The following DLST variants were observed in gnomAD, a reference collection of about 807,000 sequenced individuals.
The protein encoded by DLST is dihydrolipoamide S-succinyltransferase.
A neutral mutation model predicts 53.1 loss-of-function variants in DLST; 17 were observed. That is an observed-to-expected ratio of 0.32 (90% confidence interval 0.22 to 0.48). The LOEUF is 0.48. Ranked by LOEUF, DLST falls within the 20% of genes least tolerant of loss-of-function variation. The pLI is 0.99. For missense variants in DLST, 512 were observed against 583.9 expected (o/e 0.88, Z 1.27); for synonymous variants, 206 against 204.8 (o/e 1.01, Z -0.05).
intron 9 of DLST, among the ~76,000 whole-genome samples, chr14:74,893,719 C>G (rs979430470): frequency 6.6e-6 from 1 of 152,176 alleles, no homozygotes; most frequent in Non-Finnish European, 1.5e-5. Context: ...CACCCCCGTC[C>G]TCCCACGATG....
Position 74,885,650 on chromosome 14 carries a change from G to A in DLST, c.146+16G>A, listed in dbSNP as rs1292652434. 1 of 1,608,422 alleles carries A rather than the reference G, an allele frequency of 6.2e-7. No homozygotes were observed. The highest frequency in any genetic ancestry group is 1.3e-5 in the African/African-American group (1 of 74,662). The stretch of plus-strand genomic sequence containing the variant: ...GGAAGGTTGTGTAAGTATCACTGGG[G>A]AGTACAGATATGTGGCCACGGGTTA... On this transcript the variant is annotated intron_variant, in intron 3 of 14. Coordinates refer to ENST00000334220, the MANE Select transcript of DLST (RefSeq NM_001933.5).
At chr14:74,884,518 C>T (rs954004141) in intron 2 of DLST, among the ~76,000 whole-genome samples, 10 of 152,112 alleles carry the variant, frequency 6.6e-5, no homozygotes, top group Admixed American at 5.2e-4. Flanking sequence ...GGCAGATGGT[C>T]GTTCCACTTC....
Position 74,889,078 on chromosome 14 carries a change from G to C in DLST, c.147-17G>C, listed in dbSNP as rs201278080. 7 of 1,613,682 alleles carry C rather than the reference G, an allele frequency of 4.3e-6. No homozygotes were observed. Among genetic ancestry groups the C allele is most frequent in the Non-Finnish European group, 5.9e-6 (7 of 1,179,962 alleles). On this transcript the variant is annotated splice_polypyrimidine_tract_variant and intron_variant, in intron 3 of 14. Coordinates refer to ENST00000334220, the MANE Select transcript of DLST (RefSeq NM_001933.5). ...GGTTCGCCTGTTAAAAGGAGTTAAC[G>C]TGTGTTTCTTTTGTAGCATTAACAA...
At position 74,889,365 on chromosome 14, in the gene DLST, CTATTT is replaced by C; in HGVS notation, c.274+18_274+22del. 2.1e-6 allele frequency: 3 copies of C among 1,425,972 alleles called. No individual in the cohort carries two copies. The highest frequency in any genetic ancestry group is 2.8e-6 in the Non-Finnish European group (3 of 1,056,936). 88.3% of individuals were successfully genotyped at this position (1,425,972 alleles called of 1,614,324 possible). ...TGGGAGAAAGGTAAGATTTAGTTTC[CTATTT>C]TTTTTTTTTTTTTTTTTGAGACAGA... On this transcript the variant is annotated intron_variant, in intron 5 of 14. Transcript: ENST00000334220.
At chr14:74,897,106 T>G (rs1884097696) in intron 10 of DLST, among the ~76,000 whole-genome samples, 1 of 152,214 alleles carries the variant, frequency 6.6e-6, no homozygotes, top group Non-Finnish European at 1.5e-5. Context: ...GCAGAGATGT[T>G]TATCACATCT....
chr14:74,896,838 T>C (rs1884089874), intron 10 of DLST, among the ~76,000 whole-genome samples: 1 of 152,240 alleles, frequency 6.6e-6, no homozygotes, highest in Non-Finnish European at 1.5e-5. Flanking sequence ...ACAGCTTTGA[T>C]TGGAAAGGAA....
At chr14:74,898,301 A>T (rs895094333) in intron 10 of DLST, 68 bp from the exon 11 acceptor site, 37 of 1,573,548 alleles carry the variant, frequency 2.4e-5, no homozygotes, top group Non-Finnish European at 3.0e-5. Flanking sequence ...GTGTATATGG[A>T]TTGAGAAACC....
rs925923633 is a variant in DLST, at chr14:74,901,171, C to T, written c.1165C>T (p.Pro389Ser). Residue 389 changes from proline (P) to serine (S), a missense_variant, in exon 14 of 15, where the codon CCT (proline) becomes TCT (serine). Pro to Ser is a moderately conservative substitution (Grantham distance 74). Around this residue, in one of 4 missense-constraint regions of DLST, gnomAD observed 186 missense variants for 260.4 expected, o/e 0.71. Transcript: ENST00000334220. ...SLFGTPIINPPQSAILGMHGI... is the reference protein window; with the variant it reads ...SLFGTPIINPSQSAILGMHGI... ...CTTTGGAACACCCATTATCAACCCC[C>T]CTCAGTCTGCCATCCTGGGGATGCA... 2 of 1,614,230 alleles carry T rather than the reference C, an allele frequency of 1.2e-6. No individual in the cohort carries two copies. Among genetic ancestry groups the T allele is most frequent in the Non-Finnish European group, 8.5e-7 (1 of 1,180,040 alleles).
intron 6 of DLST, among the ~76,000 whole-genome samples, chr14:74,890,447 G>A: frequency 6.6e-6 from 1 of 152,104 alleles, no homozygotes; most frequent in Non-Finnish European, 1.5e-5. Context: ...TTTGCTGTGT[G>A]TGTACTATGT....
intron 13 of DLST, among the ~76,000 whole-genome samples, chr14:74,900,687 T>C (rs1038735893): frequency 1.3e-5 from 2 of 152,236 alleles, no homozygotes; most frequent in African/African-American, 4.8e-5. Context: ...AAGCTAGCGC[T>C]TGTGCCATCG....
At chr14:74,885,263 A>C (rs1883662679) in intron 2 of DLST, among the ~76,000 whole-genome samples, 1 of 152,220 alleles carries the variant, frequency 6.6e-6, no homozygotes, top group African/African-American at 2.4e-5. Flanking sequence ...ACATTTTATT[A>C]TGAAAACATA....
chr14:74,894,170 AAG>A, intron 9 of DLST, 140 bp from the exon 10 acceptor site: 1 of 935,434 alleles, frequency 1.1e-6, no homozygotes, highest in Non-Finnish European at 1.5e-6. Flanking sequence ...CACCACAGGA[AAG>A]GGAAGCCTGG....
At chr14:74,885,670 G>A (rs1566788941) in intron 3 of DLST, 36 bp downstream of exon 3, 5 of 1,562,810 alleles carry the variant, frequency 3.2e-6, no homozygotes, top group Non-Finnish European at 4.3e-6. Context: ...ATGTGGCCAC[G>A]GGTTATTTAT....
At chr14:74,889,666 T>TGAGCCACTGCGC (rs972094615) in intron 5 of DLST, 5 of 563,394 alleles carry the variant, frequency 8.9e-6, no homozygotes, top group African/African-American at 3.8e-5. Context: ...AGCCACTGCG[T>TGAGCCACTGCGC]GAGCCACTGC....
intron 2 of DLST, among the ~76,000 whole-genome samples, chr14:74,882,873 C>T (rs1883576790): frequency 6.6e-6 from 1 of 152,186 alleles, no homozygotes; most frequent in East Asian, 1.9e-4. Flanking sequence ...CAGTTCTTGC[C>T]CTCGTGGAGC....
chr14:74,901,636 C>A lies in DLST; in HGVS notation c.1227+403C>A, dbSNP rs543288994. Among the ~76,000 whole-genome samples the A allele has an allele frequency of 3.3e-5, 5 of 152,126 alleles. No homozygotes were observed. The South Asian group carries it at 1.0e-3, about 31-fold the overall frequency. ...TGTATGATAAAGCTTGTAAATTTCC[C>A]GGGAGTTCAGAGAATTAAGTATTAA... On this transcript the variant is annotated intron_variant, in intron 14 of 14. Transcript: ENST00000334220.
intron 13 of DLST, 148 bp downstream of exon 13, chr14:74,900,520 A>G (rs1884211405): frequency 1.5e-6 from 1 of 660,018 alleles, no homozygotes; most frequent in East Asian, 2.6e-5. Context: ...AGTATTTTAT[A>G]TATCTGGTGG....
rs908999931 is a variant in DLST at position 74,890,805 on chromosome 14, G to A, written c.331-251G>A. On this transcript the variant is annotated intron_variant, in intron 6 of 14. Coordinates refer to ENST00000334220, the MANE Select transcript of DLST (RefSeq NM_001933.5). ...TCGGCTCCACCTGCCAGGTTCAAGC[G>A]ATTCTCGTGCCTCAGCCTCCCAAGT... Among the ~76,000 whole-genome samples the A allele has an allele frequency of 5.9e-5, 9 of 152,252 alleles. 1 individual carries two copies. The highest frequency in any genetic ancestry group is 3.4e-3 in the Middle Eastern group (1 of 294).
At chr14:74,901,937 C>G (rs1044710292) in intron 14 of DLST, among the ~76,000 whole-genome samples, 1 of 151,546 alleles carries the variant, frequency 6.6e-6, no homozygotes, top group African/African-American at 2.4e-5. Context: ...GCAGCAGATG[C>G]GTTAGAGGGC....
Sources: allele counts gnomAD v4.1 joint callset (sites outside exome capture counted in the v4.1 genomes callset), GRCh38; gene constraint gnomAD v4.1.1; regional missense constraint gnomAD v4.1.1; transcripts MANE v1.5; gene names NCBI Gene and HGNC (gene_info 2026-07-23, HGNC 2026-07-21).